ABLIM1: variants seen among roughly 807,000 people sequenced by gnomAD.
The protein encoded by ABLIM1 is actin binding LIM protein 1.
A neutral mutation model predicts 107.0 loss-of-function variants in ABLIM1; 40 were observed. The ratio of observed to expected loss-of-function variants is 0.37; its 90% CI spans 0.29 to 0.49. ABLIM1 has a LOEUF of 0.49. Among genes scored for constraint, ABLIM1 ranks in the 20% least tolerant of loss-of-function variants. The probability of loss-of-function intolerance (pLI) is 0.97; values close to 1 mark genes in which losing one functional copy is unlikely to be tolerated. For synonymous variants in ABLIM1, 357 were observed against 357.3 expected (o/e 1.00, Z 0.01); for missense variants, 857 against 1,008.5 (o/e 0.85, Z 2.04).
At chr10:114,687,072 G>A (rs760985420), upstream of ABLIM1, among the ~76,000 whole-genome samples, 4 of 152,194 alleles carry the variant, frequency 2.6e-5, no homozygotes, top group Non-Finnish European at 4.4e-5. Flanking sequence ...ACAGGAAAGT[G>A]ACCGTCACTT....
intron 1 of ABLIM1, among the ~76,000 whole-genome samples, chr10:114,762,208 A>T (rs1298271637): frequency 1.3e-5 from 2 of 151,572 alleles, no homozygotes; most frequent in African/African-American, 4.8e-5. Context: ...AATTTTTTTT[A>T]TTTTTTAGTA....
intron 1 of ABLIM1, among the ~76,000 whole-genome samples, chr10:114,668,105 G>C (rs1189847471): frequency 6.6e-6 from 1 of 151,058 alleles, no homozygotes; most frequent in African/African-American, 2.4e-5. Flanking sequence ...TTGAAAGGGG[G>C]CAGTGCTTGG....
intron 1 of ABLIM1, among the ~76,000 whole-genome samples, chr10:114,749,573 A>T (rs2082466574): frequency 6.6e-6 from 1 of 151,792 alleles, no homozygotes; most frequent in African/African-American, 2.4e-5. Context: ...TTAAGGAGAT[A>T]CTCTCTTCAG....
intron 1 of ABLIM1, among the ~76,000 whole-genome samples, chr10:114,729,372 G>C (rs2082026402): frequency 6.6e-6 from 1 of 152,054 alleles, no homozygotes; most frequent in East Asian, 1.9e-4. Context: ...AGGCTCCAGG[G>C]AAATGAGGAC....
intron 8 of ABLIM1, among the ~76,000 whole-genome samples, chr10:114,481,172 G>A (rs2057308541): frequency 6.6e-6 from 1 of 151,928 alleles, no homozygotes; most frequent in Non-Finnish European, 1.5e-5. Context: ...CCAGAGCTCT[G>A]CCGGTTGAGT....
intron 4 of ABLIM1, among the ~76,000 whole-genome samples, chr10:114,569,091 CA>C (rs1181799309): frequency 1.3e-5 from 2 of 151,966 alleles, no homozygotes; most frequent in Non-Finnish European, 2.9e-5. Context: ...AGCAAAAAAC[CA>C]GGAGCCAAAA....
chr10:114,679,767 G>A (rs1005149516), intron 1 of ABLIM1, among the ~76,000 whole-genome samples: 2 of 151,848 alleles, frequency 1.3e-5, no homozygotes, highest in East Asian at 1.9e-4. Context: ...CCCAGTTTTC[G>A]TCATCCTAAG....
chr10:114,724,897 T>C (rs1387113916), intron 1 of ABLIM1, among the ~76,000 whole-genome samples: 1 of 152,232 alleles, frequency 6.6e-6, no homozygotes, highest in Non-Finnish European at 1.5e-5. Flanking sequence ...AGATGCCCAA[T>C]GTCTGCCTTG....
chr10:114,473,799 G>C, intron 9 of ABLIM1, 80 bp downstream of exon 9: 4 of 1,107,872 alleles, frequency 3.6e-6, no homozygotes, highest in Non-Finnish European at 5.3e-6. Flanking sequence ...ATCAGTTTTT[G>C]TTTTGGATTA....
chr10:114,514,259 C>T (rs1029541209), intron 6 of ABLIM1, among the ~76,000 whole-genome samples: 2 of 150,614 alleles, frequency 1.3e-5, no homozygotes, highest in African/African-American at 4.9e-5. Flanking sequence ...AAGATCGCAC[C>T]ACTGCACTCC....
At chr10:114,568,365 G>A (rs922670768) in intron 4 of ABLIM1, among the ~76,000 whole-genome samples, 2 of 151,998 alleles carry the variant, frequency 1.3e-5, no homozygotes, top group East Asian at 1.9e-4. Flanking sequence ...AAACCTGCAC[G>A]TCCTGCACAT....
chr10:114,497,470 G>C (rs1300082596), intron 6 of ABLIM1, among the ~76,000 whole-genome samples: 1 of 152,072 alleles, frequency 6.6e-6, no homozygotes, highest in African/African-American at 2.4e-5. Flanking sequence ...ACGAGGTCAG[G>C]AGATCGAGAC....
At chr10:114,547,629 C>A in intron 5 of ABLIM1, 21 bp downstream of exon 5, 1 of 1,612,826 alleles carries the variant, frequency 6.2e-7, no homozygotes, top group Non-Finnish European at 8.5e-7. Context: ...GAAAGGAACG[C>A]GTGCCCGCGC....
At chr10:114,605,695 G>C (rs1368242275) in intron 1 of ABLIM1, among the ~76,000 whole-genome samples, 4 of 152,130 alleles carry the variant, frequency 2.6e-5, no homozygotes, top group Non-Finnish European at 5.9e-5. Context: ...TCTGAACAAT[G>C]AGGAAATACC....
chr10:114,659,159 G>A (rs1033564139), upstream of ABLIM1, among the ~76,000 whole-genome samples: 3 of 152,014 alleles, frequency 2.0e-5, no homozygotes, highest in African/African-American at 7.3e-5. Flanking sequence ...TAGAATTATA[G>A]AGCTGACAAG....
chr10:114,646,776 T>C (rs1311205775), intron 1 of ABLIM1, among the ~76,000 whole-genome samples: 1 of 152,188 alleles, frequency 6.6e-6, no homozygotes, highest in Non-Finnish European at 1.5e-5. Flanking sequence ...TCTTGGTATG[T>C]AGATATAGAA....
intron 1 of ABLIM1, among the ~76,000 whole-genome samples, chr10:114,624,212 C>A (rs1189846187): frequency 2.6e-5 from 4 of 152,168 alleles, no homozygotes; most frequent in Non-Finnish European, 5.9e-5. Flanking sequence ...CTGAAAAGTT[C>A]TCTGGCTCTT....
chr10:114,454,524 C>T (rs999167571), intron 12 of ABLIM1, among the ~76,000 whole-genome samples: 1 of 152,072 alleles, frequency 6.6e-6, no homozygotes, highest in African/African-American at 2.4e-5. Flanking sequence ...GACTGGCCAC[C>T]TTGTCTGGAA....
intron 12 of ABLIM1, among the ~76,000 whole-genome samples, chr10:114,456,449 C>T (rs779682684): frequency 1.5e-4 from 23 of 152,130 alleles, no homozygotes; most frequent in African/African-American, 2.9e-4. Context: ...GGTCTTTTCT[C>T]GAAAGAAGGT....
Sources: allele counts gnomAD v4.1 joint callset (sites outside exome capture counted in the v4.1 genomes callset), GRCh38; gene constraint gnomAD v4.1.1; transcripts MANE v1.5; gene names NCBI Gene and HGNC (gene_info 2026-07-23, HGNC 2026-07-21).